The following GNAS variants were observed in gnomAD, a reference collection of about 807,000 sequenced individuals.
GNAS encodes protein ALEX.
In GNAS, 8 loss-of-function variants were observed where a neutral mutation model predicts 54.5. The ratio of observed to expected loss-of-function variants is 0.15; its 90% CI spans 0.09 to 0.26. GNAS has a LOEUF of 0.26. GNAS is among the 10% of genes least tolerant of loss of function. The pLI is 1.00. For synonymous variants in GNAS, 204 were observed against 191.4 expected (o/e 1.07, Z -0.54); for missense variants, 170 against 529.8 (o/e 0.32, Z 6.67).
At chr20:58,893,133 G>A (rs936554117) in intron 1 of GNAS, among the ~76,000 whole-genome samples, 8 of 140,870 alleles carry the variant, frequency 5.7e-5, no homozygotes, top group Non-Finnish European at 1.2e-4. Flanking sequence ...GCTCTAAGGA[G>A]ACTTTTCCTC....
chr20:58,900,580 A>G (rs1430706567), intron 3 of GNAS, among the ~76,000 whole-genome samples: 1 of 152,154 alleles, frequency 6.6e-6, no homozygotes, highest in African/African-American at 2.4e-5. Flanking sequence ...TGCTGTATAC[A>G]TAGAAGGGGG....
At position 58,893,066 on chromosome 20, in the gene GNAS, CTTTTT is replaced by C. The variant is rs869179421; in HGVS notation, c.139+1220_139+1224del. Among the ~76,000 whole-genome samples, 283 of 103,082 alleles carry C rather than the reference CTTTTT, an allele frequency of 2.7e-3. 1 individual carries two copies. Among genetic ancestry groups the C allele is most frequent in the Non-Finnish European group, 4.1e-3 (218 of 53,504 alleles). 67.6% of individuals were successfully genotyped at this position (103,082 alleles called of 152,430 possible). The stretch of plus-strand genomic sequence containing the variant: ...TCTTGGTCTGGAAATGGCGTGGTTT[CTTTTT>C]TTTTTTTTTTTTTTTTTTGTCCTCC... On this transcript the variant is annotated intron_variant, in intron 1 of 12. Transcript: ENST00000371085.
At chr20:58,890,965 C>T (rs933684852), upstream of GNAS, among the ~76,000 whole-genome samples, 19 of 151,820 alleles carry the variant, frequency 1.3e-4, no homozygotes, top group Middle Eastern at 3.4e-3. Flanking sequence ...CCCTTCCGCC[C>T]ACCCCAGCCC....
At chr20:58,847,920 T>C (rs571068720) in intron 1 of GNAS, among the ~76,000 whole-genome samples, 11 of 152,208 alleles carry the variant, frequency 7.2e-5, no homozygotes, top group Non-Finnish European at 1.2e-4. Flanking sequence ...ACATATGCCA[T>C]GAAAGCATCA....
At position 58,841,075 on chromosome 20, in the gene GNAS, C is replaced by T. The variant is rs1275441904; in HGVS notation, c.43+189C>T. Among the ~76,000 whole-genome samples the T allele has an allele frequency of 6.6e-6, 1 of 152,036 alleles. No homozygotes were observed. The highest frequency in any genetic ancestry group is 1.5e-5 in the Non-Finnish European group (1 of 68,006). On this transcript the variant is annotated intron_variant, in intron 1 of 12. Coordinates refer to the GNAS transcript ENST00000306090. This position sits in a 1 kb window ranked among gnomAD's most constrained non-coding sequence, Gnocchi z 5.0. ...CAAACTTCCCAGGATGCCAGGGGCGCCCTGGTGGCCAAAGGCTTGTTGGAC... is the reference window on the plus strand; with the variant it reads ...CAAACTTCCCAGGATGCCAGGGGCGTCCTGGTGGCCAAAGGCTTGTTGGAC...
chr20:58,864,355 T>G (rs2086925865), intron 1 of GNAS, among the ~76,000 whole-genome samples: 1 of 152,196 alleles, frequency 6.6e-6, no homozygotes, highest in Non-Finnish European at 1.5e-5. Context: ...GGGGCCTTCA[T>G]GGGCTTTTGA....
Position 58,910,852 on chromosome 20 carries a change from T to C in GNAS, c.*23T>C. ...TAAGAAGGGAACCCCCAAATTTAATTAAAGCCTTAAGCACAATTAATTAAA... is the reference window on the plus strand; with the variant it reads ...TAAGAAGGGAACCCCCAAATTTAATCAAAGCCTTAAGCACAATTAATTAAA... On this transcript the variant is annotated 3_prime_UTR_variant, in exon 13 of 13. Coordinates refer to ENST00000371085, the MANE Select transcript of GNAS (RefSeq NM_000516.7). This position sits in a 1 kb window ranked among gnomAD's most constrained non-coding sequence, Gnocchi z 5.8. 4.4e-6 allele frequency: 7 copies of C among 1,607,640 alleles called. No individual in the cohort carries two copies. The highest frequency in any genetic ancestry group is 4.3e-6 in the Non-Finnish European group (5 of 1,174,176).
chr20:58,848,504 T>C (rs1261444997), intron 1 of GNAS, among the ~76,000 whole-genome samples: 1 of 152,232 alleles, frequency 6.6e-6, no homozygotes, highest in East Asian at 1.9e-4. Context: ...TGGAAAGCTA[T>C]GTTTAAGGTA....
chr20:58,891,037 G>A (rs988040414), upstream of GNAS, among the ~76,000 whole-genome samples: 2 of 151,242 alleles, frequency 1.3e-5, no homozygotes, highest in Non-Finnish European at 3.0e-5. Flanking sequence ...CGGTCCGGGG[G>A]GTGGAGCGTT....
At chr20:58,899,191 C>T (rs569509226) in intron 3 of GNAS, among the ~76,000 whole-genome samples, 1 of 152,284 alleles carries the variant, frequency 6.6e-6, no homozygotes, top group East Asian at 1.9e-4. Context: ...TTTGGCCATG[C>T]TTAAAGTAGA....
chr20:58,891,992 T>C, intron 1 of GNAS, 127 bp downstream of exon 1: 2 of 747,160 alleles, frequency 2.7e-6, no homozygotes, highest in Non-Finnish European at 3.3e-6. Context: ...GTTCGCGGGC[T>C]CTGTCTGTGG....
intron 3 of GNAS, chr20:58,899,877 AG>A: frequency 4.2e-6 from 3 of 712,840 alleles, no homozygotes; most frequent in Non-Finnish European, 7.8e-6. Flanking sequence ...GTGGCCGGGG[AG>A]GGGAGGGGCA....
upstream of GNAS, among the ~76,000 whole-genome samples, chr20:58,891,120 C>G (rs888109250): frequency 4.0e-4 from 60 of 148,782 alleles, no homozygotes; most frequent in African/African-American, 1.4e-3. Flanking sequence ...GGCTGCTGCC[C>G]GAGCCCGGGG....
At chr20:58,854,551 C>T in intron 1 of GNAS, 1 of 1,572,312 alleles carries the variant, frequency 6.4e-7, no homozygotes. Context: ...GCAGCCGATC[C>T]CGACTCCGGG....
chr20:58,841,865 C>G lies in GNAS; in HGVS notation c.43+979C>G. 8.1e-7 allele frequency: 1 copy of G among 1,231,204 alleles called. No individual in the cohort carries two copies. Among genetic ancestry groups the G allele is most frequent in the Non-Finnish European group, 1.0e-6 (1 of 987,988 alleles). The allele number at this position is 1,231,204 out of a possible 1,614,324, so 76.3% of individuals were successfully genotyped here. A position where few individuals can be genotyped will look rare whatever the true frequency, so the allele number is the denominator to read the frequency against. Reference sequence around the variant, plus strand: ...CCTCTGGAGGCCCTCGAGATCGTCGCAAGTGGAAAGGTAAAGCGGAACAAG... The same window carrying G: ...CCTCTGGAGGCCCTCGAGATCGTCGGAAGTGGAAAGGTAAAGCGGAACAAG... On this transcript the variant is annotated intron_variant, in intron 1 of 12. Transcript: ENST00000306090. The surrounding 1 kb of genome is among the most constrained non-coding windows in gnomAD (Gnocchi z 5.0).
intron 1 of GNAS, 112 bp downstream of exon 1, chr20:58,891,977 C>A (rs2089426448): frequency 2.6e-6 from 2 of 760,676 alleles, no homozygotes; most frequent in East Asian, 1.3e-4. Context: ...CCGAGCCCCC[C>A]GCCCGTTCGC....
At chr20:58,840,294 GCTTC>G (rs908942214), upstream of GNAS, 6 of 1,612,520 alleles carry the variant, frequency 3.7e-6, no homozygotes, top group African/African-American at 8.0e-5. This position sits in a 1 kb window ranked among gnomAD's most constrained non-coding sequence, Gnocchi z 6.0. Context: ...CAGCGCCGGA[GCTTC>G]CTTAACGCCC....
intron 3 of GNAS, among the ~76,000 whole-genome samples, chr20:58,900,586 G>C (rs2090518418): frequency 6.6e-6 from 1 of 152,138 alleles, no homozygotes; most frequent in South Asian, 2.1e-4. Context: ...ATACATAGAA[G>C]GGGGAGGAGG....
Position 58,841,280 on chromosome 20 carries a change from T to C in GNAS, c.43+394T>C. The C allele has an allele frequency of 1.9e-6, 2 of 1,053,408 alleles. No individual in the cohort carries two copies. Among genetic ancestry groups the C allele is most frequent in the Non-Finnish European group, 2.3e-6 (2 of 861,360 alleles). 65.3% of individuals were successfully genotyped at this position (1,053,408 alleles called of 1,614,324 possible). On this transcript the variant is annotated intron_variant, in intron 1 of 12. Transcript: ENST00000306090. The surrounding 1 kb of genome is among the most constrained non-coding windows in gnomAD (Gnocchi z 5.0). ...CTAGAAAGACTAGTCTCAAATAAGTTGGCCTTCTCAGGTGTCCAAAATGTG... is the reference window on the plus strand; with the variant it reads ...CTAGAAAGACTAGTCTCAAATAAGTCGGCCTTCTCAGGTGTCCAAAATGTG...
Sources: gnomAD v4.1 joint callset for allele counts (sites outside exome capture counted in the v4.1 genomes callset) on GRCh38, gnomAD v4.1.1 for gene constraint, Gnocchi (gnomAD v3.1) non-coding constraint, MANE v1.5 for transcripts, NCBI Gene and HGNC (gene_info 2026-07-23, HGNC 2026-07-21) for gene names.